Variants in CSMD1 observed in about 807,000 individuals in gnomAD.
CSMD1 encodes the protein CUB and sushi domain-containing protein 1.
A neutral mutation model predicts 417.5 loss-of-function variants in CSMD1; 213 were observed. The observed-to-expected ratio is 0.51, with a 90% confidence interval of 0.46 to 0.57. The LOEUF (loss-of-function observed/expected upper bound fraction) is 0.57, where lower values mean the gene tolerates loss of function less well. CSMD1 is among the 20% of genes least tolerant of loss of function. CSMD1 has a pLI of 0.00. For synonymous variants in CSMD1, 2,862 were observed against 1,736.8 expected, an observed-to-expected ratio of 1.65 and a Z score of -16.11; for missense variants, 6,923 against 4,529.7, an observed-to-expected ratio of 1.53 and a Z score of -15.17.
At chr8:3,467,106 G>T (rs1463830881) in intron 12 of CSMD1, among the ~76,000 whole-genome samples, 1 of 152,140 alleles carries the variant, frequency 6.6e-6, no homozygotes, top group Non-Finnish European at 1.5e-5. Flanking sequence ...ACTAATTAGG[G>T]TAAAATGTAA....
intron 37 of CSMD1, among the ~76,000 whole-genome samples, chr8:3,172,723 G>A (rs955537447): frequency 1.8e-4 from 28 of 152,156 alleles, no homozygotes; most frequent in African/African-American, 5.8e-4. Context: ...CATGCACTCT[G>A]TGAAGGTCAT....
chr8:2,982,744 A>ACAT (rs1805532354), intron 54 of CSMD1, among the ~76,000 whole-genome samples: 1 of 152,208 alleles, frequency 6.6e-6, no homozygotes, highest in Admixed American at 6.5e-5. Context: ...GGTGTGCTCC[A>ACAT]CATCCTCGCT....
At chr8:4,659,771 G>A (rs1249796226) in intron 1 of CSMD1, among the ~76,000 whole-genome samples, 1 of 152,044 alleles carries the variant, frequency 6.6e-6, no homozygotes, top group Non-Finnish European at 1.5e-5. Flanking sequence ...TTGTTCCTGA[G>A]AATGCTTAAT....
intron 26 of CSMD1, among the ~76,000 whole-genome samples, chr8:3,265,946 C>T (rs1280894281): frequency 1.3e-5 from 2 of 151,774 alleles, no homozygotes; most frequent in Non-Finnish European, 2.9e-5. Flanking sequence ...GAAAGGGGTC[C>T]AGTTTTGGAT....
chr8:3,833,972 C>G (rs934669152), intron 5 of CSMD1, among the ~76,000 whole-genome samples: 1 of 152,074 alleles, frequency 6.6e-6, no homozygotes, highest in Non-Finnish European at 1.5e-5. Flanking sequence ...ATTCACCTTT[C>G]CTATACGGTT....
chr8:4,167,497 A>G (rs1160735029), intron 3 of CSMD1, among the ~76,000 whole-genome samples: 7 of 152,156 alleles, frequency 4.6e-5, no homozygotes, highest in Non-Finnish European at 8.8e-5. Flanking sequence ...TTAAACCTAT[A>G]ACATTTTCTA....
intron 10 of CSMD1, among the ~76,000 whole-genome samples, chr8:3,554,548 C>T (rs1352132441): frequency 6.6e-6 from 1 of 152,178 alleles, no homozygotes; most frequent in Non-Finnish European, 1.5e-5. Context: ...CCAGCTCCTG[C>T]TCTGTTGGAA....
intron 5 of CSMD1, among the ~76,000 whole-genome samples, chr8:3,844,740 C>A (rs1379786234): frequency 6.6e-6 from 1 of 152,120 alleles, no homozygotes; most frequent in Non-Finnish European, 1.5e-5. Context: ...TCTTCCTTGA[C>A]AATGAGGTCA....
intron 1 of CSMD1, among the ~76,000 whole-genome samples, chr8:4,793,213 C>A (rs1211498474): frequency 6.6e-6 from 1 of 152,166 alleles, no homozygotes; most frequent in Admixed American, 6.5e-5. Context: ...AATTGCAGCA[C>A]AAGACATGAT....
intron 42 of CSMD1, among the ~76,000 whole-genome samples, chr8:3,112,602 G>A (rs1816585031): frequency 6.6e-6 from 1 of 152,180 alleles, no homozygotes; most frequent in Non-Finnish European, 1.5e-5. Flanking sequence ...CACTCAACAA[G>A]TATCTACTGA....
intron 2 of CSMD1, among the ~76,000 whole-genome samples, chr8:4,544,978 C>G (rs924362939): frequency 6.6e-6 from 1 of 152,186 alleles, no homozygotes; most frequent in Non-Finnish European, 1.5e-5. Context: ...TGTCTATAAG[C>G]ATATTCGTAA....
intron 3 of CSMD1, among the ~76,000 whole-genome samples, chr8:4,409,311 T>TC (rs376624944): frequency 3.3e-5 from 5 of 152,214 alleles, no homozygotes. Context: ...ATGTGTTTTT[T>TC]CTTCTCTTAA....
intron 1 of CSMD1, among the ~76,000 whole-genome samples, chr8:4,667,391 G>C (rs1585419383): frequency 6.6e-6 from 1 of 151,636 alleles, no homozygotes; most frequent in South Asian, 2.1e-4. Flanking sequence ...TCTTCAAAAT[G>C]CCTGCTGATA....
chr8:3,721,112 C>T (rs977976187), intron 6 of CSMD1, among the ~76,000 whole-genome samples: 4 of 152,306 alleles, frequency 2.6e-5, no homozygotes, highest in Admixed American at 2.6e-4. Flanking sequence ...TGTGAGCCAC[C>T]ATGCCCGGCC....
At chr8:4,855,809 G>C (rs376290617) in intron 1 of CSMD1, among the ~76,000 whole-genome samples, 3 of 151,506 alleles carry the variant, frequency 2.0e-5, no homozygotes, top group Admixed American at 2.0e-4. Flanking sequence ...GAAAGTGATG[G>C]GGAGAATGGA....
chr8:4,469,683 T>A (rs1800410028), intron 2 of CSMD1, among the ~76,000 whole-genome samples: 3 of 152,018 alleles, frequency 2.0e-5, no homozygotes, highest in Admixed American at 2.0e-4. Flanking sequence ...AGGGAACTCT[T>A]GTCATCACAG....
chr8:4,808,367 T>C (rs1798707065), intron 1 of CSMD1, among the ~76,000 whole-genome samples: 1 of 152,176 alleles, frequency 6.6e-6, no homozygotes, highest in African/African-American at 2.4e-5. Flanking sequence ...TAGGGCACTA[T>C]CTAGATTATA....
chr8:4,163,086 G>C (rs1428092084), intron 3 of CSMD1, among the ~76,000 whole-genome samples: 1 of 152,156 alleles, frequency 6.6e-6, no homozygotes, highest in South Asian at 2.1e-4. Flanking sequence ...TTTTAGCAAT[G>C]AATAATATTC....
chr8:4,389,171 T>C (rs1803673749), intron 3 of CSMD1, among the ~76,000 whole-genome samples: 1 of 152,192 alleles, frequency 6.6e-6, no homozygotes, highest in African/African-American at 2.4e-5. Context: ...AAACACAAAA[T>C]AACATCAACT....
Sources: gnomAD v4.1 joint callset for allele counts (sites outside exome capture counted in the v4.1 genomes callset) on GRCh38, gnomAD v4.1.1 for gene constraint, MANE v1.5 for transcripts, NCBI Gene and HGNC (gene_info 2026-07-23, HGNC 2026-07-21) for gene names.